The following PHF7 variants were observed in gnomAD, a reference collection of about 807,000 sequenced individuals.
PHF7 encodes the protein E3 ubiquitin-protein ligase PHF7.
Under a neutral mutation model 47.5 loss-of-function variants are expected in PHF7, and 24 were observed. The ratio of observed to expected loss-of-function variants is 0.51; its 90% confidence interval spans 0.37 to 0.71. PHF7 has a LOEUF of 0.71. PHF7 is among the 30% of genes least tolerant of loss of function. The pLI, the probability that PHF7 is intolerant of heterozygous loss-of-function variation, is 0.00. For missense variants in PHF7, 361 were observed against 456.8 expected (o/e 0.79, Z 1.91); for synonymous variants, 156 against 153.8 (o/e 1.01, Z -0.11).
chr3:52,419,457 T>A (rs1255506466), intron 4 of PHF7, among the ~76,000 whole-genome samples: 1 of 145,928 alleles, frequency 6.9e-6, no homozygotes, highest in Non-Finnish European at 1.5e-5. Context: ...TGAGACAGAG[T>A]CTTGTTCTGT....
Position 52,410,707 on chromosome 3 carries a change from C to T in PHF7, c.-610C>T, listed in dbSNP as rs1705392200. ...GCGCAGGGCGGCCGCCCGGAGGTAG[C>T]TACCACGGCCTGTGTCAACGACTAA... On this transcript the variant is annotated 5_prime_UTR_variant, in exon 1 of 11. Transcript: ENST00000327906. 1 of 152,736 alleles carries T rather than the reference C, an allele frequency of 6.5e-6. No homozygotes were observed. Among genetic ancestry groups the T allele is most frequent in the Admixed American group, 6.5e-5 (1 of 15,294 alleles). 9.5% of individuals were successfully genotyped at this position (152,736 alleles called of 1,614,324 possible).
At chr3:52,422,001 T>G in intron 8 of PHF7, 1 of 596,622 alleles carries the variant, frequency 1.7e-6, no homozygotes, top group East Asian at 2.8e-5. Flanking sequence ...GTTGAGTTAT[T>G]GGATTCCAGA....
intron 7 of PHF7, among the ~76,000 whole-genome samples, 165 bp downstream of exon 7, chr3:52,421,227 G>C (rs1263643789): frequency 3.3e-5 from 5 of 152,202 alleles, no homozygotes; most frequent in Non-Finnish European, 7.3e-5. Context: ...AGTCCAGTCT[G>C]TGGTCATTCC....
At chr3:52,414,451 C>T (rs1207308822) in intron 3 of PHF7, 45 bp from the exon 4 acceptor site, 2 of 1,083,898 alleles carry the variant, frequency 1.8e-6, no homozygotes, top group Non-Finnish European at 2.9e-6. Context: ...CTCTTCCATT[C>T]TTAATGGTCA....
chr3:52,420,649 G>A (rs765133460), intron 6 of PHF7, among the ~76,000 whole-genome samples: 12 of 152,198 alleles, frequency 7.9e-5, no homozygotes, highest in Non-Finnish European at 1.6e-4. Flanking sequence ...AACAGCTGGG[G>A]TTCTTAGACA....
chr3:52,415,953 T>C (rs1376777196), intron 4 of PHF7, among the ~76,000 whole-genome samples: 1 of 152,220 alleles, frequency 6.6e-6, no homozygotes, highest in Non-Finnish European at 1.5e-5. Context: ...TTATGTGAGG[T>C]TGCCACATCA....
intron 7 of PHF7, 128 bp from the exon 8 acceptor site, chr3:52,421,520 C>G (rs1705790023): frequency 1.5e-6 from 1 of 675,552 alleles, no homozygotes; most frequent in Non-Finnish European, 2.7e-6. Context: ...CTAGCCCACC[C>G]AAACTCCTTT....
intron 4 of PHF7, among the ~76,000 whole-genome samples, chr3:52,415,427 C>G (rs530064769): frequency 6.6e-6 from 1 of 152,226 alleles, no homozygotes; most frequent in African/African-American, 2.4e-5. Flanking sequence ...ACAAAATTCA[C>G]TAATTTTAAG....
chr3:52,422,304 T>C lies in PHF7; in HGVS notation c.763T>C (p.Tyr255His), dbSNP rs1705816481. 6.2e-7 allele frequency: 1 copy of C among 1,612,994 alleles called. No homozygotes were observed. The part of the protein sequence containing the change: ...YQHCDAPICL[Y>H]EQGRDSFEDE... ...GCACTGTGATGCCCCCATCTGTCTGTATGAACAAGGCAGAGACAGCTTTGA... is the reference window on the plus strand; with the variant it reads ...GCACTGTGATGCCCCCATCTGTCTGCATGAACAAGGCAGAGACAGCTTTGA... The change falls in exon 9 of 11, where the codon TAT (tyrosine) becomes CAT (histidine). Residue 255 changes from tyrosine (Y) to histidine (H), a missense_variant. Physicochemically the swap from Tyr to His is moderately conservative, Grantham distance 83. Transcript: ENST00000327906.
intron 4 of PHF7, among the ~76,000 whole-genome samples, chr3:52,416,118 C>T (rs1705616015): frequency 6.6e-6 from 1 of 151,174 alleles, no homozygotes; most frequent in Non-Finnish European, 1.5e-5. Flanking sequence ...TTTTAATTTC[C>T]ATTTTTCTGA....
At chr3:52,422,509 C>T (rs1705822590) in intron 9 of PHF7, 171 bp downstream of exon 9, 24 of 651,426 alleles carry the variant, frequency 3.7e-5, no homozygotes, top group Middle Eastern at 3.5e-4. Flanking sequence ...CACGTGAACA[C>T]GTCTCCCCTG....
Position 52,420,842 on chromosome 3 carries a change from CG to C in PHF7, c.414-58del, listed in dbSNP as rs1705764303. 2.7e-6 allele frequency: 4 copies of C among 1,485,574 alleles called. No homozygotes were observed. In the African/African-American group the frequency reaches 5.6e-5, roughly 21 times the overall value. 92.0% of individuals were successfully genotyped at this position (1,485,574 alleles called of 1,614,324 possible). A position where few individuals can be genotyped will look rare whatever the true frequency, so the allele number is the denominator to read the frequency against. ...GGGTGGCTGGCTGCCCCTCCTAGAG[CG>C]GGCCATTGGGAAACTACATCAATGA... On this transcript the variant is annotated intron_variant, in intron 6 of 10. Coordinates refer to ENST00000327906, the MANE Select transcript of PHF7 (RefSeq NM_016483.7).
At chr3:52,412,741 C>T (rs1429440676) in intron 1 of PHF7, 70 bp from the exon 2 acceptor site, 2 of 703,680 alleles carry the variant, frequency 2.8e-6, no homozygotes, top group Non-Finnish European at 4.9e-6. Context: ...GCACCATTGC[C>T]TTGACCCTGG....
intron 7 of PHF7, 50 bp downstream of exon 7, chr3:52,421,112 GC>G: frequency 6.6e-7 from 1 of 1,506,644 alleles, no homozygotes; most frequent in South Asian, 1.3e-5. Flanking sequence ...CTAGTTCTCT[GC>G]CTGGAACCAG....
Position 52,422,811 on chromosome 3 carries a change from G to T in PHF7, c.849G>T (p.Arg283Ser). 6.2e-7 allele frequency: 1 copy of T among 1,614,020 alleles called. No homozygotes were observed. The highest frequency in any genetic ancestry group is 8.5e-7 in the Non-Finnish European group (1 of 1,179,904). ...CATGCGGATCCCACGGAACCCACAGGGACTGCTCCTCTCTTAGATCTAACA... is the reference window on the plus strand; with the variant it reads ...CATGCGGATCCCACGGAACCCACAGTGACTGCTCCTCTCTTAGATCTAACA... ...CATCGSHGTH[R>S]DCSSLRSNSK... The change falls in exon 10 of 11, where the codon AGG becomes AGT. Residue 283 changes from arginine (R) to serine (S), a missense_variant. Transcript: ENST00000327906.
chr3:52,412,706 C>T, intron 1 of PHF7, 105 bp from the exon 2 acceptor site: 2 of 617,054 alleles, frequency 3.2e-6, no homozygotes, highest in East Asian at 2.8e-5. Flanking sequence ...CCTTTTATTC[C>T]ATCACATGGG....
chr3:52,419,640 C>T (rs1428484400), intron 4 of PHF7, among the ~76,000 whole-genome samples, 193 bp from the exon 5 acceptor site: 2 of 152,046 alleles, frequency 1.3e-5, no homozygotes, highest in Non-Finnish European at 2.9e-5. Flanking sequence ...ACCGTGTTAG[C>T]CAGGATGGTC....
chr3:52,411,513 G>T (rs1049399345), intron 1 of PHF7, among the ~76,000 whole-genome samples: 1 of 152,196 alleles, frequency 6.6e-6, no homozygotes, highest in Non-Finnish European at 1.5e-5. Context: ...TTCCTCAGTC[G>T]TCCTTATTCA....
intron 7 of PHF7, among the ~76,000 whole-genome samples, 167 bp from the exon 8 acceptor site, chr3:52,421,481 G>A (rs1705789031): frequency 6.6e-6 from 1 of 152,148 alleles, no homozygotes; most frequent in African/African-American, 2.4e-5. Flanking sequence ...TTGGTCCCAG[G>A]TCTGACACCT....
Sources: gnomAD v4.1 joint callset for allele counts (sites outside exome capture counted in the v4.1 genomes callset) on GRCh38, gnomAD v4.1.1 for gene constraint, MANE v1.5 for transcripts, NCBI Gene and HGNC (gene_info 2026-07-23, HGNC 2026-07-21) for gene names.